IL1R1: variants seen among roughly 807,000 people sequenced by gnomAD.
IL1R1 encodes interleukin-1 receptor type 1.
A neutral mutation model predicts 50.2 loss-of-function variants in IL1R1; 22 were observed. The ratio of observed to expected loss-of-function variants is 0.44; its 90% CI spans 0.31 to 0.63. The LOEUF is 0.63. Among genes scored for constraint, IL1R1 ranks in the 20% least tolerant of loss-of-function variants. The pLI, the probability that IL1R1 is intolerant of heterozygous loss-of-function variation, is 0.07. For synonymous variants in IL1R1, 251 were observed against 236.7 expected (o/e 1.06, Z -0.55); for missense variants, 509 against 676.2 (o/e 0.75, Z 2.74).
intron 1 of IL1R1, among the ~76,000 whole-genome samples, chr2:102,109,878 G>A (rs545820717): frequency 5.9e-5 from 9 of 152,242 alleles, no homozygotes; most frequent in South Asian, 2.1e-4. Flanking sequence ...GGGCGGCTTC[G>A]TTTCTCCTGG....
chr2:102,072,588 T>TTTGCTTA (rs1331061469), intron 1 of IL1R1, among the ~76,000 whole-genome samples: 1 of 152,198 alleles, frequency 6.6e-6, no homozygotes. Flanking sequence ...CTTTTTGCTT[T>TTTGCTTA]TTGCTTATTG....
At chr2:102,143,490 A>G (rs555698748) in intron 1 of IL1R1, among the ~76,000 whole-genome samples, 4 of 152,342 alleles carry the variant, frequency 2.6e-5, no homozygotes, top group African/African-American at 9.6e-5. Flanking sequence ...GGCGCTGAGA[A>G]GACACTCATT....
In IL1R1 at chr2:102,164,913, T is replaced by C. The variant is rs1417165988; in HGVS notation, c.201T>C (p.Ser67=). ...WYKDDSKTPV[S]TEQASRIHQH... ...AAGATGACAGCAAGACACCTGTATC[T>C]ACAGAACAAGCCTCCAGGATTCATC... The change falls in exon 4 of 12, where the codon TCT becomes TCC. Residue 67 remains serine (S), a synonymous_variant. Transcript: ENST00000410023. 1 of 1,614,130 alleles carries C rather than the reference T, an allele frequency of 6.2e-7. No individual in the cohort carries two copies. Among genetic ancestry groups the C allele is most frequent in the Non-Finnish European group, 8.5e-7 (1 of 1,179,988 alleles).
At chr2:102,101,189 G>A (rs1176210624), upstream of IL1R1, among the ~76,000 whole-genome samples, 6 of 152,146 alleles carry the variant, frequency 3.9e-5, 1 homozygote, top group South Asian at 1.2e-3. Context: ...GTGCTCCTTG[G>A]TGATGCTCTT....
chr2:102,110,777 A>G (rs1378598803), intron 1 of IL1R1, among the ~76,000 whole-genome samples: 1 of 152,012 alleles, frequency 6.6e-6, no homozygotes, highest in African/African-American at 2.4e-5. Context: ...GTGTCCAGTC[A>G]TGGGATGGCA....
intron 7 of IL1R1, among the ~76,000 whole-genome samples, chr2:102,171,122 G>T (rs1379923866): frequency 6.6e-6 from 1 of 152,156 alleles, no homozygotes. Context: ...AAGGAAGGCC[G>T]ATGAGCACCA....
At chr2:102,152,921 T>C (rs1006442194) in intron 1 of IL1R1, among the ~76,000 whole-genome samples, 1 of 152,052 alleles carries the variant, frequency 6.6e-6, no homozygotes, top group Non-Finnish European at 1.5e-5. Context: ...GTGTTATTGA[T>C]GGCCATTAAA....
At chr2:102,164,575 A>C (rs1177939560) in intron 3 of IL1R1, among the ~76,000 whole-genome samples, 199 bp from the exon 4 acceptor site, 1 of 152,154 alleles carries the variant, frequency 6.6e-6, no homozygotes, top group Non-Finnish European at 1.5e-5. Flanking sequence ...GGTACAGCAC[A>C]CAGGCAGTAA....
chr2:102,078,600 A>AC (rs57113618), intron 1 of IL1R1, among the ~76,000 whole-genome samples: 23,166 of 146,256 alleles, frequency 0.16, 2,411 homozygotes, highest in East Asian at 0.49. Context: ...ACACACACAC[A>AC]AGAAAAAAAA....
intron 1 of IL1R1, among the ~76,000 whole-genome samples, chr2:102,115,583 G>A (rs1025480949): frequency 6.6e-6 from 1 of 152,192 alleles, no homozygotes; most frequent in Non-Finnish European, 1.5e-5. Context: ...CAGAGAGGGG[G>A]AGATGAAAAA....
chr2:102,151,318 C>G (rs1683633864), intron 1 of IL1R1, among the ~76,000 whole-genome samples: 1 of 152,112 alleles, frequency 6.6e-6, no homozygotes. Context: ...CCTTGCAATC[C>G]TATTCTCTGA....
chr2:102,094,186 T>C (rs1036078120), intron 1 of IL1R1, among the ~76,000 whole-genome samples: 6 of 152,246 alleles, frequency 3.9e-5, no homozygotes, highest in Admixed American at 3.9e-4. Context: ...TTCTGAGTCT[T>C]TGACTAAGTC....
At chr2:102,122,487 C>T (rs1011202586) in intron 1 of IL1R1, among the ~76,000 whole-genome samples, 2 of 152,080 alleles carry the variant, frequency 1.3e-5, no homozygotes, top group African/African-American at 4.8e-5. Context: ...CTGGCAATAG[C>T]AACTGAATCT....
intron 1 of IL1R1, among the ~76,000 whole-genome samples, chr2:102,086,548 T>G (rs36121947): frequency 0.031 from 4,605 of 149,726 alleles, 230 homozygotes; most frequent in African/African-American, 0.1. Flanking sequence ...TCTTTTTTTT[T>G]GGGGATTTTA....
chr2:102,078,960 A>G (rs1679095167), intron 1 of IL1R1, among the ~76,000 whole-genome samples: 1 of 152,188 alleles, frequency 6.6e-6, no homozygotes, highest in South Asian at 2.1e-4. Flanking sequence ...AATGTAATGC[A>G]ACATATTAAT....
chr2:102,077,220 G>A (rs557684093), intron 1 of IL1R1, among the ~76,000 whole-genome samples: 7 of 152,142 alleles, frequency 4.6e-5, no homozygotes, highest in Admixed American at 2.6e-4. Flanking sequence ...ACAGGTGCCT[G>A]CCACCATGCT....
rs144902193 is a variant in IL1R1 at position 102,089,421 on chromosome 2, C to T, written c.-84+18888C>T. On this transcript the variant is annotated intron_variant, in intron 1 of 11. Transcript: ENST00000409929. ...GGTTTGTGTCACCTCAAAACAATTACGATAGTAACATCAGATATTGCTGAT... is the reference window on the plus strand; with the variant it reads ...GGTTTGTGTCACCTCAAAACAATTATGATAGTAACATCAGATATTGCTGAT... Among the ~76,000 whole-genome samples, 29 of 152,148 alleles carry T rather than the reference C, an allele frequency of 1.9e-4. No individual in the cohort carries two copies. The East Asian group carries it at 3.9e-3, about 20-fold the overall frequency.
chr2:102,087,748 T>C (rs1679490344), intron 1 of IL1R1, among the ~76,000 whole-genome samples: 1 of 152,214 alleles, frequency 6.6e-6, no homozygotes, highest in South Asian at 2.1e-4. Context: ...CTGAGGCTGC[T>C]CCAGCTATGT....
chr2:102,103,503 G>A (rs369756612), upstream of IL1R1, among the ~76,000 whole-genome samples: 102 of 152,252 alleles, frequency 6.7e-4, 1 homozygote, highest in East Asian at 0.017. Flanking sequence ...AGCACAAAGC[G>A]CTCTTGGAAA....
Sources: gnomAD v4.1 joint callset for allele counts (sites outside exome capture counted in the v4.1 genomes callset) on GRCh38, gnomAD v4.1.1 for gene constraint, MANE v1.5 for transcripts, NCBI Gene and HGNC (gene_info 2026-07-23, HGNC 2026-07-21) for gene names.